AR: variants seen among roughly 807,000 people sequenced by gnomAD.
The protein encoded by AR is dihydrotestosterone receptor.
Under a neutral mutation model 53.9 loss-of-function variants are expected in AR, and 8 were observed. The observed-to-expected ratio is 0.15, with a 90% CI of 0.09 to 0.27. The LOEUF (loss-of-function observed/expected upper bound fraction) is 0.27, where lower values mean the gene tolerates loss of function less well. Ranked by LOEUF, AR falls within the 10% of genes least tolerant of loss-of-function variation. The pLI is 1.00. For synonymous variants in AR, 359 were observed against 316.4 expected (o/e 1.13, Z -1.43); for missense variants, 639 against 742.5 (o/e 0.86, Z 1.62).
intron 3 of AR, among the ~76,000 whole-genome samples, chrX:67,688,141 G>A (rs751723119): frequency 1.9e-4 from 21 of 111,699 alleles, no homozygotes; most frequent in Admixed American, 1.8e-3. Flanking sequence ...TTCAGTTGCA[G>A]GCCCATGATA....
chrX:67,545,813 G>A lies in AR; in HGVS notation c.667G>A (p.Asp223Asn), dbSNP rs1036966197. 3 of 1,212,175 alleles carry A rather than the reference G, an allele frequency of 2.5e-6. No individual in the cohort carries two copies. The highest frequency in any genetic ancestry group is 3.5e-5 in the African/African-American group (2 of 57,926). The change falls in exon 1 of 8, where the codon GAC (aspartate) becomes AAC (asparagine). Residue 223 changes from aspartate to asparagine, a missense_variant. Coordinates refer to ENST00000374690, the MANE Select transcript of AR (RefSeq NM_000044.6). ...EASGAPTSSK[D>N]NYLGGTSTIS... is the part of the protein sequence containing the mutation. ...CTCGGGGGCTCCCACTTCCTCCAAG[G>A]ACAATTACTTAGGGGGCACTTCGAC... is the stretch of plus-strand genomic sequence containing the variant.
chrX:67,695,800 C>T (rs2076017825), intron 3 of AR: 1 of 743,708 alleles, frequency 1.3e-6, no homozygotes. Context: ...CCCCCCAACA[C>T]ACACACACTC....
At chrX:67,607,505 T>C (rs938795299) in intron 1 of AR, among the ~76,000 whole-genome samples, 1 of 111,762 alleles carries the variant, frequency 8.9e-6, no homozygotes, top group Non-Finnish European at 1.9e-5. Context: ...CTTTGAGTTA[T>C]GAGTAACAAG....
In AR at chrX:67,546,020, G is replaced by C. The variant is rs2147318897; in HGVS notation, c.874G>C (p.Gly292Arg). ...TPCAPLAECKGSLLDDSAGKS... is the reference protein window; with the variant it reads ...TPCAPLAECKRSLLDDSAGKS... ...TTGTGCCCCATTGGCCGAATGCAAA[G>C]GTTCTCTGCTAGACGACAGCGCAGG... The change falls in exon 1 of 8, where the codon GGT becomes CGT. Residue 292 changes from glycine to arginine, a missense_variant. Physicochemically the swap from Gly to Arg is moderately radical, Grantham distance 125. This residue lies in a region of AR where 423 missense variants were observed against 377.0 expected (regional missense o/e 1.12). Transcript: ENST00000374690. The C allele has an allele frequency of 1.6e-6, 2 of 1,212,329 alleles. No homozygotes were observed. The highest frequency in any genetic ancestry group is 1.8e-5 in the South Asian group (1 of 57,039).
At chrX:67,665,920 ATTTT>A in intron 2 of AR, among the ~76,000 whole-genome samples, 1 of 110,871 alleles carries the variant, frequency 9.0e-6, no homozygotes, top group African/African-American at 3.3e-5. Context: ...TTTTAAAGTT[ATTTT>A]TTATTTTTGT....
chrX:67,610,489 T>C (rs992099569), intron 1 of AR, among the ~76,000 whole-genome samples: 2 of 111,288 alleles, frequency 1.8e-5, no homozygotes, highest in African/African-American at 6.5e-5. Context: ...CCAGTTTCAC[T>C]CCTCAGAGGG....
chrX:67,713,767 G>T (rs779996587), intron 4 of AR, among the ~76,000 whole-genome samples: 1 of 111,357 alleles, frequency 9.0e-6, no homozygotes, highest in Non-Finnish European at 1.9e-5. Context: ...GGCTTTCCTT[G>T]GCCCAACCAC....
In AR at chrX:67,723,673, T is replaced by C. The variant is rs2147539988; in HGVS notation, c.2608-13T>C. On this transcript the variant is annotated splice_polypyrimidine_tract_variant and intron_variant, in intron 7 of 7. Transcript: ENST00000374690. ...GTCAACCCTGTTTTTCTCCCTCTTA[T>C]TGTTCCCTACAGATTGCGAGAGAGC... 8.3e-7 allele frequency: 1 copy of C among 1,209,985 alleles called. No individual in the cohort carries two copies. Among genetic ancestry groups the C allele is most frequent in the Non-Finnish European group, 1.1e-6 (1 of 894,634 alleles).
chrX:67,701,739 G>A (rs1390455151), intron 3 of AR, among the ~76,000 whole-genome samples: 6 of 110,515 alleles, frequency 5.4e-5, no homozygotes, highest in Non-Finnish European at 9.5e-5. Context: ...TATTGCCTAT[G>A]TAGAGCCTGA....
chrX:67,629,156 T>A (rs1296936642), intron 1 of AR, among the ~76,000 whole-genome samples: 1 of 110,886 alleles, frequency 9.0e-6, no homozygotes, highest in African/African-American at 3.3e-5. Flanking sequence ...CCTCATAAAA[T>A]GAGTTAGGGA....
At position 67,711,469 on chromosome X, in the gene AR, C is replaced by A. The variant is rs2147524336; in HGVS notation, c.1953C>A (p.Ser651Arg). Residue 651 changes from serine to arginine, a missense_variant, in exon 4 of 8, where the codon AGC (serine) becomes AGA (arginine). By Grantham distance (110) the Ser-to-Arg change is moderately radical. Coordinates refer to ENST00000374690, the MANE Select transcript of AR (RefSeq NM_000044.6). ...QEEGEASSTTSPTEETTQKLT... is the reference protein window; with the variant it reads ...QEEGEASSTTRPTEETTQKLT... The stretch of plus-strand genomic sequence containing the variant: ...AAGGAGAGGCTTCCAGCACCACCAG[C>A]CCCACTGAGGAGACAACCCAGAAGC... 8.3e-7 allele frequency: 1 copy of A among 1,206,557 alleles called. No homozygotes were observed.
chrX:67,646,730 C>T (rs997496841), intron 2 of AR, among the ~76,000 whole-genome samples: 2 of 111,027 alleles, frequency 1.8e-5, no homozygotes, highest in Non-Finnish European at 3.8e-5. Context: ...TGTAAAACAA[C>T]GGACTTGAAC....
intron 3 of AR, among the ~76,000 whole-genome samples, chrX:67,694,194 C>A (rs1250514140): frequency 9.0e-6 from 1 of 111,168 alleles, no homozygotes; most frequent in Non-Finnish European, 1.9e-5. Context: ...CATCTCCAGT[C>A]TGAGTAATAA....
Position 67,592,661 on chromosome X carries a change from TA to T in AR, c.1616+45903del, listed in dbSNP as rs1452799230. Among the ~76,000 whole-genome samples the T allele has an allele frequency of 2.3e-3, 245 of 106,896 alleles. 1 individual carries two copies. Among genetic ancestry groups the T allele is most frequent in the East Asian group, 7.3e-3 (25 of 3,420 alleles). The allele number at this position is 106,896 out of a possible 115,157, so 92.8% of individuals were successfully genotyped here. On this transcript the variant is annotated intron_variant, in intron 1 of 7. Transcript: ENST00000374690. The stretch of plus-strand genomic sequence containing the variant: ...GAAAAAAAAAAAACTTTTTTTTTTT[TA>T]AAATCTACTAAGCATGCTAGGTAAG...
intron 3 of AR, among the ~76,000 whole-genome samples, chrX:67,709,149 C>T (rs1032045977): frequency 8.9e-6 from 1 of 111,800 alleles, no homozygotes; most frequent in South Asian, 3.8e-4. Flanking sequence ...CTGGGAGAAC[C>T]ACTACTCTCT....
At chrX:67,612,854 G>T (rs950580763) in intron 1 of AR, among the ~76,000 whole-genome samples, 5 of 111,949 alleles carry the variant, frequency 4.5e-5, no homozygotes, top group African/African-American at 1.6e-4. Flanking sequence ...CATTCTTCAG[G>T]CAAGTGCAAC....
At position 67,545,955 on chromosome X, in the gene AR, C is replaced by T. The variant is rs905313189; in HGVS notation, c.809C>T (p.Ala270Val). The change falls in exon 1 of 8, where the codon GCC becomes GTC. Residue 270 changes from alanine (A) to valine (V), a missense_variant. Ala to Val is a moderately conservative substitution (Grantham distance 64, BLOSUM62 0). Coordinates refer to ENST00000374690, the MANE Select transcript of AR (RefSeq NM_000044.6). ...GEQLRGDCMY[A>V]PLLGVPPAVR... ...CAGCTTCGGGGGGATTGCATGTACG[C>T]CCCACTTTTGGGAGTTCCACCCGCT... The T allele has an allele frequency of 8.3e-7, 1 of 1,210,925 alleles. No individual in the cohort carries two copies. The highest frequency in any genetic ancestry group is 3.0e-5 in the East Asian group (1 of 33,757).
chrX:67,637,936 A>G (rs984971087), intron 1 of AR, among the ~76,000 whole-genome samples: 1 of 110,877 alleles, frequency 9.0e-6, no homozygotes, highest in Non-Finnish European at 1.9e-5. Flanking sequence ...TCAACCTGTC[A>G]TCTACATTAG....
At chrX:67,653,490 A>T (rs1926442724) in intron 2 of AR, among the ~76,000 whole-genome samples, 1 of 111,604 alleles carries the variant, frequency 9.0e-6, no homozygotes, top group Non-Finnish European at 1.9e-5. Flanking sequence ...CCAGATACAA[A>T]AAGGTAGGAA....
Sources: gnomAD v4.1 joint callset for allele counts (sites outside exome capture counted in the v4.1 genomes callset) on GRCh38, gnomAD v4.1.1 for gene constraint, gnomAD v4.1.1 regional missense constraint, MANE v1.5 for transcripts, NCBI Gene and HGNC (gene_info 2026-07-23, HGNC 2026-07-21) for gene names.